The following BMPR1B variants were observed in gnomAD, a reference collection of about 807,000 sequenced individuals.
BMPR1B encodes the protein bone morphogenetic protein receptor type 1B.
In BMPR1B, 12 loss-of-function variants were observed where a neutral mutation model predicts 59.1. The ratio of observed to expected loss-of-function variants is 0.20; its 90% confidence interval spans 0.13 to 0.33. The LOEUF (loss-of-function observed/expected upper bound fraction) is 0.33, where lower values mean the gene tolerates loss of function less well. Among genes scored for constraint, BMPR1B ranks in the 10% least tolerant of loss-of-function variants. The probability of loss-of-function intolerance (pLI) is 1.00; values close to 1 mark genes in which losing one functional copy is unlikely to be tolerated. For missense variants in BMPR1B, 550 were observed against 610.9 expected (o/e 0.90, Z 1.05); for synonymous variants, 237 against 207.3 (o/e 1.14, Z -1.23).
At chr4:95,091,391 T>C (rs1433084119) in intron 3 of BMPR1B, 17 of 886,962 alleles carry the variant, frequency 1.9e-5, no homozygotes, top group Non-Finnish European at 2.3e-5. Flanking sequence ...ACCGGAATAA[T>C]GTCTCTTGCC....
Position 95,155,003 on chromosome 4 carries a change from A to G in BMPR1B, c.*330A>G. Reference sequence around the variant, plus strand: ...GATGCTTTCATTTTGCCAAAATAAAACAGATAATGTGGATGGTTTAAGGGT... The same window carrying G: ...GATGCTTTCATTTTGCCAAAATAAAGCAGATAATGTGGATGGTTTAAGGGT... On this transcript the variant is annotated 3_prime_UTR_variant, in exon 13 of 13. Transcript: ENST00000515059. 6.2e-6 allele frequency: 2 copies of G among 321,198 alleles called. No individual in the cohort carries two copies. Among genetic ancestry groups the G allele is most frequent in the South Asian group, 6.3e-5 (2 of 31,824 alleles). 19.9% of individuals were successfully genotyped at this position (321,198 alleles called of 1,614,324 possible).
At chr4:94,875,728 A>G (rs1460221942) in intron 1 of BMPR1B, 103 bp from the exon 2 acceptor site, 1 of 152,624 alleles carries the variant, frequency 6.6e-6, no homozygotes, top group Non-Finnish European at 1.5e-5. Flanking sequence ...CCATCCCCCA[A>G]TTCCATTATG....
In BMPR1B at chr4:94,802,901, T is replaced by C. The variant is rs374767320; in HGVS notation, c.-183+44833T>C. On this transcript the variant is annotated intron_variant, in intron 1 of 12. Coordinates refer to ENST00000515059, the MANE Select transcript of BMPR1B (RefSeq NM_001203.3). Reference sequence around the variant, plus strand: ...GTTATCTCATGCTTTTTTGTAGCTCTTCTCCAAGATGGGGAGGTATGTGGG... The same window carrying C: ...GTTATCTCATGCTTTTTTGTAGCTCCTCTCCAAGATGGGGAGGTATGTGGG... 3.1e-3 allele frequency among the ~76,000 whole-genome samples: 470 copies of C among 152,292 alleles called. 5 individuals carry two copies. Among genetic ancestry groups the C allele is most frequent in the African/African-American group, 0.011 (437 of 41,558 alleles).
At chr4:95,063,797 A>G (rs1391322648) in intron 3 of BMPR1B, among the ~76,000 whole-genome samples, 1 of 152,148 alleles carries the variant, frequency 6.6e-6, no homozygotes, top group African/African-American at 2.4e-5. Context: ...GCATATAAAA[A>G]ATCTTCAAGA....
At chr4:95,124,771 G>GTAGTTTATT (rs1004272452) in intron 7 of BMPR1B, among the ~76,000 whole-genome samples, 3 of 152,050 alleles carry the variant, frequency 2.0e-5, no homozygotes, top group Non-Finnish European at 4.4e-5. Context: ...GTAAAAATAT[G>GTAGTTTATT]TAGTTTATTT....
At chr4:94,840,102 T>C (rs935776501) in intron 1 of BMPR1B, among the ~76,000 whole-genome samples, 7 of 151,208 alleles carry the variant, frequency 4.6e-5, no homozygotes, top group Non-Finnish European at 7.4e-5. Flanking sequence ...CACTCCCTTC[T>C]GGCTTGTAGA....
intron 1 of BMPR1B, among the ~76,000 whole-genome samples, chr4:94,870,045 G>T (rs1294001770): frequency 6.6e-6 from 1 of 152,114 alleles, no homozygotes; most frequent in Non-Finnish European, 1.5e-5. Flanking sequence ...AGAAGAAGTT[G>T]CAAAGAAAGG....
chr4:94,845,405 C>T lies in BMPR1B; in HGVS notation c.-182-30426C>T, dbSNP rs971839039. Among the ~76,000 whole-genome samples, 97 of 150,424 alleles carry T rather than the reference C, an allele frequency of 6.4e-4. No individual in the cohort carries two copies. The Middle Eastern group carries it at 0.01, about 16-fold the overall frequency. ...TCGCCCAGGCTGGAGTGCAGTGGCG[C>T]GATCTTGGCTCACTGCAAGCTCTGC... On this transcript the variant is annotated intron_variant, in intron 1 of 12. Coordinates refer to ENST00000515059, the MANE Select transcript of BMPR1B (RefSeq NM_001203.3).
chr4:94,892,866 A>G (rs925787749), intron 2 of BMPR1B, among the ~76,000 whole-genome samples: 6 of 152,174 alleles, frequency 3.9e-5, no homozygotes, highest in East Asian at 1.9e-4. Flanking sequence ...TGGTATGTGA[A>G]TGTACTATTT....
intron 10 of BMPR1B, among the ~76,000 whole-genome samples, chr4:95,140,370 T>C (rs1252020361): frequency 6.6e-6 from 1 of 152,186 alleles, no homozygotes; most frequent in Non-Finnish European, 1.5e-5. Context: ...AATCCCCCTT[T>C]CTAATCTTAC....
intron 3 of BMPR1B, among the ~76,000 whole-genome samples, chr4:95,005,644 T>C (rs1003707244): frequency 6.6e-6 from 1 of 152,200 alleles, no homozygotes; most frequent in African/African-American, 2.4e-5. Flanking sequence ...AGTTTTTCTT[T>C]CACTTTTTTA....
chr4:95,070,908 A>C (rs1435861520), intron 3 of BMPR1B, among the ~76,000 whole-genome samples: 1 of 152,178 alleles, frequency 6.6e-6, no homozygotes, highest in African/African-American at 2.4e-5. Context: ...GGCTAGCCTC[A>C]AACTCTTTAT....
At chr4:94,875,938 T>G (rs1188238264) in intron 2 of BMPR1B, 38 bp downstream of exon 2, 1 of 152,650 alleles carries the variant, frequency 6.6e-6, no homozygotes, top group Non-Finnish European at 1.5e-5. Context: ...TTGAGATGTT[T>G]GGTAGGCATC....
At chr4:95,119,144 A>G (rs1278016049) in intron 6 of BMPR1B, among the ~76,000 whole-genome samples, 7 of 152,220 alleles carry the variant, frequency 4.6e-5, no homozygotes, top group Admixed American at 4.6e-4. Context: ...ATATATTGAC[A>G]TTATAATTAT....
chr4:94,958,514 AGT>A (rs1730240087), intron 2 of BMPR1B, among the ~76,000 whole-genome samples: 1 of 152,208 alleles, frequency 6.6e-6, no homozygotes, highest in African/African-American at 2.4e-5. Context: ...TCCCTCTATG[AGT>A]GTCATCTCTC....
chr4:95,076,053 C>A (rs911851953), intron 3 of BMPR1B, among the ~76,000 whole-genome samples: 3 of 152,054 alleles, frequency 2.0e-5, no homozygotes, highest in African/African-American at 7.2e-5. Context: ...AGAAGACATT[C>A]AAAAATAGTT....
At position 94,891,957 on chromosome 4, in the gene BMPR1B, T is replaced by G. The variant is rs1010329273; in HGVS notation, c.-113+16057T>G. ...TTTTACCCTCAAGTACTTAATTTTT[T>G]AATTTACTTTAATATTAAATTGAGT... On this transcript the variant is annotated intron_variant, in intron 2 of 12. Coordinates refer to ENST00000515059, the MANE Select transcript of BMPR1B (RefSeq NM_001203.3). Among the ~76,000 whole-genome samples the G allele has an allele frequency of 2.0e-5, 3 of 152,100 alleles. No homozygotes were observed. The South Asian group carries it at 6.2e-4, about 31-fold the overall frequency.
At chr4:95,084,252 T>A (rs535059876) in intron 3 of BMPR1B, among the ~76,000 whole-genome samples, 1 of 151,140 alleles carries the variant, frequency 6.6e-6, no homozygotes, top group East Asian at 1.9e-4. Flanking sequence ...ATTTTATATA[T>A]TTTATATATT....
At chr4:94,963,913 C>T (rs1004133929) in intron 2 of BMPR1B, among the ~76,000 whole-genome samples, 12 of 151,984 alleles carry the variant, frequency 7.9e-5, no homozygotes, top group Admixed American at 2.6e-4. Context: ...ATCTGTAGGT[C>T]GCTTTGGGTA....
Sources: gnomAD v4.1 joint callset for allele counts (sites outside exome capture counted in the v4.1 genomes callset) on GRCh38, gnomAD v4.1.1 for gene constraint, MANE v1.5 for transcripts, NCBI Gene and HGNC (gene_info 2026-07-23, HGNC 2026-07-21) for gene names.